FOXN3: variants seen among roughly 807,000 people sequenced by gnomAD.
FOXN3 encodes the protein forkhead box N3, also known as forkhead box protein N3.
A neutral mutation model predicts 38.4 loss-of-function variants in FOXN3; 7 were observed. The observed-to-expected ratio is 0.18, with a 90% CI of 0.10 to 0.34. The LOEUF (loss-of-function observed/expected upper bound fraction) is 0.34. Ranked by LOEUF, FOXN3 falls within the 10% of genes least tolerant of loss-of-function variation. The pLI is 1.00. For synonymous variants in FOXN3, 230 were observed against 242.2 expected (o/e 0.95, Z 0.47); for missense variants, 456 against 613.4 (o/e 0.74, Z 2.71).
At chr14:89,206,749 C>T (rs1429966088) in intron 4 of FOXN3, among the ~76,000 whole-genome samples, 1 of 152,190 alleles carries the variant, frequency 6.6e-6, no homozygotes, top group Non-Finnish European at 1.5e-5. Flanking sequence ...GAAAAATCAA[C>T]CACCGTAACT....
intron 1 of FOXN3, among the ~76,000 whole-genome samples, chr14:89,571,104 C>T (rs747699658): frequency 6.6e-6 from 1 of 152,198 alleles, no homozygotes; most frequent in Non-Finnish European, 1.5e-5. Flanking sequence ...CAGACTCTTA[C>T]TTTGAACCTA....
At chr14:89,455,350 T>C (rs1892700640) in intron 1 of FOXN3, among the ~76,000 whole-genome samples, 1 of 152,216 alleles carries the variant, frequency 6.6e-6, no homozygotes, top group Non-Finnish European at 1.5e-5. Flanking sequence ...GTCAAAGGGT[T>C]TTTGACAAAT....
intron 4 of FOXN3, among the ~76,000 whole-genome samples, chr14:89,246,865 G>A (rs1316188376): frequency 1.3e-5 from 2 of 152,266 alleles, no homozygotes; most frequent in East Asian, 3.9e-4. Flanking sequence ...CTGAAGAAAA[G>A]AGAGCATGAC....
chr14:89,236,080 A>G (rs1332710936), intron 4 of FOXN3, among the ~76,000 whole-genome samples: 3 of 152,214 alleles, frequency 2.0e-5, no homozygotes, highest in African/African-American at 4.8e-5. Flanking sequence ...GCTTTGCTCT[A>G]TGAAAAATAC....
intron 2 of FOXN3, among the ~76,000 whole-genome samples, chr14:89,400,680 CCCTCT>C (rs1555351647): frequency 6.6e-6 from 1 of 152,140 alleles, no homozygotes; most frequent in Non-Finnish European, 1.5e-5. Context: ...TAACTGCGAC[CCCTCT>C]TTCTGTTCCT....
chr14:89,615,516 C>T (rs534429349), intron 1 of FOXN3, among the ~76,000 whole-genome samples: 1 of 152,276 alleles, frequency 6.6e-6, no homozygotes, highest in African/African-American at 2.4e-5. Context: ...CACTCCAAAG[C>T]CCCTTTCGAA....
At chr14:89,203,209 C>T (rs990047482) in intron 4 of FOXN3, among the ~76,000 whole-genome samples, 7 of 152,054 alleles carry the variant, frequency 4.6e-5, no homozygotes, top group Admixed American at 2.6e-4. Context: ...GGCTGAAACC[C>T]GAGAATGCAA....
intron 3 of FOXN3, among the ~76,000 whole-genome samples, chr14:89,334,023 G>GTA (rs1156868293): frequency 1.2e-4 from 5 of 41,586 alleles, no homozygotes; most frequent in Non-Finnish European, 2.4e-4. Flanking sequence ...TATAAATGTG[G>GTA]TATACACACA....
intron 1 of FOXN3, among the ~76,000 whole-genome samples, chr14:89,581,379 G>A (rs1217885283): frequency 6.6e-6 from 1 of 152,022 alleles, no homozygotes; most frequent in African/African-American, 2.4e-5. Context: ...CTACTTGGGA[G>A]GTTGAGGCAG....
In FOXN3 at chr14:89,305,606, C is replaced by T. The variant is rs540459799; in HGVS notation, c.681-24592G>A. On this transcript the variant is annotated intron_variant, in intron 3 of 5. Coordinates refer to ENST00000557258, the MANE Select transcript of FOXN3 (RefSeq NM_005197.4). ...CAGTTTCTGCCAACTGTTTTGTTGG[C>T]CCCTAATACCACGATTAGCTGTTGC... 3.3e-5 allele frequency among the ~76,000 whole-genome samples: 5 copies of T among 152,310 alleles called. No individual in the cohort carries two copies. In the South Asian group the frequency reaches 6.2e-4, roughly 19 times the overall value.
chr14:89,390,297 C>G (rs1260179360), intron 2 of FOXN3, among the ~76,000 whole-genome samples: 1 of 118,744 alleles, frequency 8.4e-6, no homozygotes, highest in Non-Finnish European at 1.9e-5. Flanking sequence ...TTCTCTTTCT[C>G]TCTCTCTCTC....
intron 1 of FOXN3, among the ~76,000 whole-genome samples, chr14:89,469,330 A>G (rs762385526): frequency 6.6e-6 from 1 of 152,228 alleles, no homozygotes; most frequent in Non-Finnish European, 1.5e-5. Context: ...CAGTTGGGTT[A>G]GGGTGACCAG....
At chr14:89,246,840 G>A (rs927037943) in intron 4 of FOXN3, among the ~76,000 whole-genome samples, 1 of 152,106 alleles carries the variant, frequency 6.6e-6, no homozygotes, top group African/African-American at 2.4e-5. Context: ...TGCCCAGCCG[G>A]ATGCGGCTTT....
intron 4 of FOXN3, among the ~76,000 whole-genome samples, chr14:89,199,736 C>A (rs1888187762): frequency 6.6e-6 from 1 of 152,098 alleles, no homozygotes; most frequent in African/African-American, 2.4e-5. Flanking sequence ...AATCCCATCT[C>A]TACTAAAAAT....
chr14:89,295,231 A>G (rs1295625738), intron 3 of FOXN3, among the ~76,000 whole-genome samples: 1 of 151,782 alleles, frequency 6.6e-6, no homozygotes, highest in African/African-American at 2.4e-5. Context: ...TTAATGTTCA[A>G]CTCGAATCCC....
At chr14:89,336,383 C>G (rs8012715) in intron 3 of FOXN3, among the ~76,000 whole-genome samples, 83,045 of 152,000 alleles carry the variant, frequency 0.55, 23,032 homozygotes, top group Admixed American at 0.61. Flanking sequence ...CCTCCCATCT[C>G]TCTTACTCTC....
At chr14:89,522,809 CA>C (rs893701173) in intron 1 of FOXN3, among the ~76,000 whole-genome samples, 4 of 149,804 alleles carry the variant, frequency 2.7e-5, no homozygotes, top group Non-Finnish European at 5.9e-5. Context: ...AAAAAAAAAG[CA>C]ATTGAGCCAA....
rs75507691 is a variant in FOXN3 at position 89,483,143 on chromosome 14, G to T, written c.-14-70653C>A. Among the ~76,000 whole-genome samples, 654 of 152,226 alleles carry T rather than the reference G, an allele frequency of 4.3e-3. 4 individuals are homozygous for T. Among genetic ancestry groups the T allele is most frequent in the African/African-American group, 0.014 (564 of 41,530 alleles). ...AATCGCTTGAACCCAGGAGGTGGAG[G>T]TTGCACAGACCCAAGATCGCACCAT... On this transcript the variant is annotated intron_variant, in intron 1 of 6. Transcript: ENST00000345097.
At chr14:89,531,013 T>C (rs926505568) in intron 1 of FOXN3, among the ~76,000 whole-genome samples, 57 of 143,618 alleles carry the variant, frequency 4.0e-4, no homozygotes, top group Non-Finnish European at 4.8e-4. Flanking sequence ...TATATACATA[T>C]AATATCTACA....
Sources: allele counts gnomAD v4.1 joint callset (sites outside exome capture counted in the v4.1 genomes callset), GRCh38; gene constraint gnomAD v4.1.1; transcripts MANE v1.5; gene names NCBI Gene and HGNC (gene_info 2026-07-23, HGNC 2026-07-21).